Variants in ALG1L2 observed in about 807,000 individuals in gnomAD.
ALG1L2 encodes the protein ALG1 chitobiosyldiphosphodolichol beta-mannosyltransferase like 2, also known as putative glycosyltransferase ALG1L2.
ALG1L2 carries 32 observed loss-of-function variants against 29.0 expected under a neutral mutation model. The observed-to-expected ratio is 1.10, with a 90% CI of 0.83 to 1.48. The LOEUF (loss-of-function observed/expected upper bound fraction) is 1.48, where lower values mean the gene tolerates loss of function less well. Among genes scored for constraint, ALG1L2 ranks in the 40% most tolerant of loss-of-function variants. The pLI is 0.00. For synonymous variants in ALG1L2, 110 were observed against 109.5 expected, an observed-to-expected ratio of 1.00 and a Z score of -0.03; for missense variants, 318 against 274.1, an observed-to-expected ratio of 1.16 and a Z score of -1.13.
At chr3:130,085,645 TTGAGGTAC>T (rs1934873701) in intron 1 of ALG1L2, among the ~76,000 whole-genome samples, 2 of 151,638 alleles carry the variant, frequency 1.3e-5, no homozygotes, top group African/African-American at 4.8e-5. Context: ...ATGTCACATT[TTGAGGTAC>T]TGGGGGTCAG....
chr3:130,090,909 C>T (rs1446362300), intron 1 of ALG1L2: 2 of 262,024 alleles, frequency 7.6e-6, no homozygotes, highest in Admixed American at 9.9e-5. Context: ...GCGACACCCA[C>T]AGGAGCAACA....
Position 130,094,501 on chromosome 3 carries a change from C to G in ALG1L2, c.412C>G (p.Pro138Ala). 6.3e-7 allele frequency: 1 copy of G among 1,595,412 alleles called. No individual in the cohort carries two copies. Among genetic ancestry groups the G allele is most frequent in the South Asian group, 1.1e-5 (1 of 90,946 alleles). The change falls in exon 5 of 8, where the codon CCC becomes GCC. Residue 138 changes from proline to alanine, a missense_variant. By Grantham distance (27) the Pro-to-Ala change is conservative. Transcript: ENST00000425059. The stretch of plus-strand genomic sequence containing the variant: ...CCCCTGGCTGGAGGGCCGAGGACTA[C>G]CCCCGCTTCTAGGTGAGAGGCCAGC... ...CIPWLEGRGL[P>A]PLLGSVDLDV...
rs778798594 is a variant in ALG1L2 at position 130,091,371 on chromosome 3, G to A, written c.131G>A (p.Arg44His). 10 of 1,596,264 alleles carry A rather than the reference G, an allele frequency of 6.3e-6. No homozygotes were observed. The South Asian group carries it at 6.6e-5, about 11-fold the overall frequency. The stretch of plus-strand genomic sequence containing the variant: ...AGCACGCACTCTCCGTTCAGGGCCC[G>A]GTAGGCCTCCCACCCTCAGCTGCCT... ...LGSTHSPFRA[R>H]SEPEDPDTER... Residue 44 changes from arginine to histidine, a missense_variant and splice_region_variant, in exon 2 of 8, where the codon CGC becomes CAC. By Grantham distance (29) the Arg-to-His change is conservative (BLOSUM62 0). Transcript: ENST00000425059.
chr3:130,084,418 A>T (rs1362267561), intron 1 of ALG1L2, among the ~76,000 whole-genome samples: 1 of 148,260 alleles, frequency 6.7e-6, no homozygotes, highest in Non-Finnish European at 1.5e-5. Context: ...TGACAGCCAG[A>T]AGCAGGCATG....
chr3:130,097,556 G>A lies in ALG1L2; in HGVS notation c.615+306G>A, dbSNP rs144255883. Among the ~76,000 whole-genome samples the A allele has an allele frequency of 5.4e-3, 817 of 152,354 alleles. 8 individuals carry two copies. Among genetic ancestry groups the A allele is most frequent in the African/African-American group, 0.016 (662 of 41,582 alleles). ...GGAAGTGATCAGGATCAGGTAGTGC[G>A]TGGGCTAAGGGAACTTCTGGGACCA... is the stretch of plus-strand genomic sequence containing the variant. On this transcript the variant is annotated intron_variant, in intron 7 of 7. Transcript: ENST00000425059.
intron 1 of ALG1L2, among the ~76,000 whole-genome samples, chr3:130,087,858 C>T (rs1330763950): frequency 2.7e-5 from 4 of 149,942 alleles, no homozygotes; most frequent in Non-Finnish European, 6.0e-5. Context: ...ACATCAGTGC[C>T]CAGGCCCCAA....
At chr3:130,085,561 G>A (rs76755477) in intron 1 of ALG1L2, among the ~76,000 whole-genome samples, 3 of 149,458 alleles carry the variant, frequency 2.0e-5, no homozygotes, top group East Asian at 1.9e-4. Context: ...ATAAGGACAC[G>A]CATTATACTG....
At chr3:130,090,760 ACT>A (rs71158103) in intron 1 of ALG1L2, 39,952 of 159,658 alleles carry the variant, frequency 0.25, 5,381 homozygotes, top group Non-Finnish European at 0.28. Context: ...TGGAGAGTAG[ACT>A]CTCATCAAAG....
chr3:130,097,239 G>T lies in ALG1L2; in HGVS notation c.604G>T (p.Ala202Ser). 1.2e-6 allele frequency: 2 copies of T among 1,609,572 alleles called. No homozygotes were observed. Among genetic ancestry groups the T allele is most frequent in the African/African-American group, 1.3e-5 (1 of 74,996 alleles). The stretch of plus-strand genomic sequence containing the variant: ...CTTTGAGGACTCAGAGGAACTGGCA[G>T]CTCAGCTGCAGGTAGCCATGTCTGC... ...LVFEDSEELA[A>S]QLQYFADAFL... The change falls in exon 7 of 8, where the codon GCT becomes TCT. Residue 202 changes from alanine (A) to serine (S), a missense_variant. Transcript: ENST00000425059.
intron 2 of ALG1L2, chr3:130,091,670 C>G: frequency 1.9e-6 from 1 of 538,642 alleles, no homozygotes. Context: ...AAGGGTCTTA[C>G]TCTCCTGCCA....
intron 1 of ALG1L2, among the ~76,000 whole-genome samples, chr3:130,089,197 G>A (rs1934957428): frequency 6.6e-6 from 1 of 152,266 alleles, no homozygotes; most frequent in Admixed American, 6.5e-5. Context: ...AGCTGGAGAG[G>A]CCAAGCTCCC....
intron 4 of ALG1L2, 87 bp from the exon 5 acceptor site, chr3:130,094,316 C>T (rs1338853870): frequency 1.3e-5 from 19 of 1,498,574 alleles, no homozygotes; most frequent in South Asian, 1.0e-4. Context: ...GGAAAAGGAT[C>T]CCTCCTAGGG....
In ALG1L2 at chr3:130,083,317, T is replaced by C. The variant is rs1289509421; in HGVS notation, c.20+1281T>C. On this transcript the variant is annotated intron_variant, in intron 1 of 7. Transcript: ENST00000425059. Reference sequence around the variant, plus strand: ...AAATTAGGCCGGTGTGGTGGCAGGCTCCTGTAATCCCAGCTACTCAGGAGG... The same window carrying C: ...AAATTAGGCCGGTGTGGTGGCAGGCCCCTGTAATCCCAGCTACTCAGGAGG... 3.0e-5 allele frequency among the ~76,000 whole-genome samples: 4 copies of C among 131,258 alleles called. 1 individual carries two copies. Among genetic ancestry groups the C allele is most frequent in the Non-Finnish European group, 7.1e-5 (4 of 56,662 alleles). 86.1% of individuals were successfully genotyped at this position (131,258 alleles called of 152,430 possible). A position where few individuals can be genotyped will look rare whatever the true frequency, so the allele number is the denominator to read the frequency against.
chr3:130,095,230 C>A (rs188202794), intron 5 of ALG1L2, among the ~76,000 whole-genome samples: 3 of 152,120 alleles, frequency 2.0e-5, no homozygotes, highest in Admixed American at 1.3e-4. Context: ...AGGGTTTCAC[C>A]ATGTTGGCCA....
At chr3:130,087,364 T>G (rs1169143900) in intron 1 of ALG1L2, among the ~76,000 whole-genome samples, 617 of 146,578 alleles carry the variant, frequency 4.2e-3, no homozygotes, top group African/African-American at 0.015. Context: ...CCATGAAAGA[T>G]AAAGAAAAAC....
Position 130,091,335 on chromosome 3 carries a change from T to C in ALG1L2, c.95T>C (p.Met32Thr), listed in dbSNP as rs1165406378. 2.5e-6 allele frequency: 4 copies of C among 1,597,856 alleles called. No individual in the cohort carries two copies. The highest frequency in any genetic ancestry group is 3.4e-6 in the Non-Finnish European group (4 of 1,179,766). ...CTGGACCTGCAGCACCGGCTCTTCA[T>C]GAAGCTGGGCAGCACGCACTCTCCG... ...APLDLQHRLF[M>T]KLGSTHSPFR... is the part of the protein sequence containing the mutation. Residue 32 changes from methionine to threonine, a missense_variant, in exon 2 of 8, where the codon ATG (methionine) becomes ACG (threonine). Transcript: ENST00000425059.
intron 5 of ALG1L2, among the ~76,000 whole-genome samples, chr3:130,095,612 T>A (rs1935113210): frequency 6.8e-6 from 1 of 147,906 alleles, no homozygotes; most frequent in Non-Finnish European, 1.5e-5. Flanking sequence ...AATTTTACAT[T>A]TTTTTTTTTA....
intron 3 of ALG1L2, 99 bp downstream of exon 3, chr3:130,092,321 C>T: frequency 6.3e-7 from 1 of 1,592,146 alleles, no homozygotes; most frequent in Admixed American, 1.8e-5. Flanking sequence ...CCAACCCCAC[C>T]ACGGTCTCAG....
intron 1 of ALG1L2, 111 bp from the exon 2 acceptor site, chr3:130,091,150 T>G: frequency 1.1e-6 from 1 of 951,702 alleles, no homozygotes; most frequent in Non-Finnish European, 1.6e-6. Flanking sequence ...AAATAAAGGT[T>G]GTTTTGCTGA....
Sources: allele counts gnomAD v4.1 joint callset (sites outside exome capture counted in the v4.1 genomes callset), GRCh38; gene constraint gnomAD v4.1.1; transcripts MANE v1.5; gene names NCBI Gene and HGNC (gene_info 2026-07-23, HGNC 2026-07-21).